The following CTNND2 variants were observed in gnomAD, a reference collection of about 807,000 sequenced individuals.
CTNND2 encodes the protein catenin delta-2.
Under a neutral mutation model 144.4 loss-of-function variants are expected in CTNND2, and 22 were observed. That is an observed-to-expected ratio of 0.15 (90% CI 0.11 to 0.22). The LOEUF (loss-of-function observed/expected upper bound fraction) is 0.22. Among genes scored for constraint, CTNND2 ranks in the 10% least tolerant of loss-of-function variants. The pLI is 1.00. For missense variants in CTNND2, 1,353 were observed against 1,618.8 expected (o/e 0.84, Z 2.82); for synonymous variants, 751 against 695.6 (o/e 1.08, Z -1.25).
chr5:11,265,004 A>C (rs918929269), intron 9 of CTNND2, among the ~76,000 whole-genome samples: 6 of 152,310 alleles, frequency 3.9e-5, no homozygotes, highest in Admixed American at 2.0e-4. Flanking sequence ...TAGATCAACA[A>C]GTTCAAAGCA....
chr5:11,214,540 T>C (rs763696206), intron 10 of CTNND2, among the ~76,000 whole-genome samples: 6 of 152,206 alleles, frequency 3.9e-5, no homozygotes, highest in Non-Finnish European at 8.8e-5. Context: ...CTTTTATTTC[T>C]ACATTCTGCA....
intron 9 of CTNND2, among the ~76,000 whole-genome samples, chr5:11,324,035 C>G (rs1210111545): frequency 6.6e-6 from 1 of 152,104 alleles, no homozygotes; most frequent in Non-Finnish European, 1.5e-5. Context: ...ACACTCAATC[C>G]AGAAAAGGCA....
intron 9 of CTNND2, among the ~76,000 whole-genome samples, chr5:11,303,472 G>A (rs996791914): frequency 9.9e-5 from 15 of 152,186 alleles, no homozygotes; most frequent in African/African-American, 3.1e-4. Flanking sequence ...AAACATAGAT[G>A]ATACTATTAC....
intron 16 of CTNND2, among the ~76,000 whole-genome samples, chr5:11,039,156 A>T (rs972521170): frequency 2.6e-5 from 4 of 152,174 alleles, no homozygotes; most frequent in African/African-American, 9.7e-5. Context: ...TGAATCTTTG[A>T]CCCATTTCCT....
chr5:11,653,753 T>C (rs989499287), intron 2 of CTNND2, among the ~76,000 whole-genome samples: 1 of 151,856 alleles, frequency 6.6e-6, no homozygotes, highest in Admixed American at 6.6e-5. Context: ...TAGGCTTGTT[T>C]GGTTTTTTTT....
At chr5:11,732,619 T>G (rs1481705171) in intron 1 of CTNND2, among the ~76,000 whole-genome samples, 2 of 152,188 alleles carry the variant, frequency 1.3e-5, no homozygotes, top group Non-Finnish European at 2.9e-5. Flanking sequence ...CTAGTCCAAC[T>G]ATAAATTTAT....
At chr5:10,983,166 C>T (rs1282215484) in intron 20 of CTNND2, among the ~76,000 whole-genome samples, 1 of 152,054 alleles carries the variant, frequency 6.6e-6, no homozygotes, top group Non-Finnish European at 1.5e-5. Context: ...TGGGATGTTC[C>T]TAACATAAAT....
intron 3 of CTNND2, among the ~76,000 whole-genome samples, chr5:11,502,742 A>G (rs183226727): frequency 6.6e-6 from 1 of 152,106 alleles, no homozygotes; most frequent in South Asian, 2.1e-4. Context: ...TTCCACCCTC[A>G]CCAACTCCTG....
chr5:11,189,096 G>A (rs1580535209), intron 11 of CTNND2, among the ~76,000 whole-genome samples: 1 of 152,120 alleles, frequency 6.6e-6, no homozygotes, highest in South Asian at 2.1e-4. Flanking sequence ...AATAGATTAT[G>A]AAATTTCACT....
chr5:11,380,103 A>G (rs1758331272), intron 7 of CTNND2, among the ~76,000 whole-genome samples: 1 of 152,154 alleles, frequency 6.6e-6, no homozygotes, highest in Admixed American at 6.5e-5. Flanking sequence ...ACCCCACTGT[A>G]AGATGCTCCG....
intron 1 of CTNND2, among the ~76,000 whole-genome samples, chr5:11,740,580 A>C (rs942097092): frequency 6.6e-6 from 1 of 152,250 alleles, no homozygotes; most frequent in African/African-American, 2.4e-5. Context: ...CTAAAACCAT[A>C]AAAACCCTAG....
intron 3 of CTNND2, among the ~76,000 whole-genome samples, chr5:11,476,773 AT>A (rs1418378060): frequency 3.3e-5 from 5 of 152,222 alleles, no homozygotes; most frequent in African/African-American, 9.6e-5. Context: ...AGTGCAAAGT[AT>A]TTTAACACTC....
rs556706324 is a variant in CTNND2, at chr5:11,026,403, G to A, written c.2789-3424C>T. On this transcript the variant is annotated intron_variant, in intron 16 of 21. Transcript: ENST00000304623. ...AAGACAGTCTCACTCTGTTGTCCAG[G>A]CTGGAGTGCAGTGGTATGATCTCAT... 7.9e-5 allele frequency among the ~76,000 whole-genome samples: 11 copies of A among 139,076 alleles called. No homozygotes were observed. In the South Asian group the frequency reaches 2.2e-3, roughly 28 times the overall value. The allele number at this position is 139,076 out of a possible 152,430, so 91.2% of individuals were successfully genotyped here. A position where few individuals can be genotyped will look rare whatever the true frequency, so the allele number is the denominator to read the frequency against.
intron 16 of CTNND2, among the ~76,000 whole-genome samples, chr5:11,049,745 G>A (rs961827274): frequency 8.5e-5 from 13 of 152,130 alleles, no homozygotes; most frequent in Admixed American, 6.5e-4. Context: ...ATAAATAACT[G>A]GGTTTCATAC....
At chr5:11,025,328 A>T (rs1742712292) in intron 16 of CTNND2, among the ~76,000 whole-genome samples, 1 of 152,048 alleles carries the variant, frequency 6.6e-6, no homozygotes, top group African/African-American at 2.4e-5. Context: ...TTACAGTGAA[A>T]TTTAAATCCT....
At chr5:11,022,641 C>T (rs992616018) in intron 17 of CTNND2, 128 bp downstream of exon 17, 3 of 730,064 alleles carry the variant, frequency 4.1e-6, no homozygotes, top group African/African-American at 3.5e-5. Context: ...TGCCATTTTC[C>T]TTCTCTTGAT....
intron 9 of CTNND2, among the ~76,000 whole-genome samples, chr5:11,342,638 T>G (rs1180389457): frequency 6.6e-6 from 1 of 152,222 alleles, no homozygotes; most frequent in African/African-American, 2.4e-5. Flanking sequence ...AATTTACACA[T>G]TATGTCAGTA....
chr5:11,033,852 A>G (rs1743769684), intron 16 of CTNND2, among the ~76,000 whole-genome samples: 1 of 152,116 alleles, frequency 6.6e-6, no homozygotes, highest in Admixed American at 6.6e-5. Context: ...CAACAACAAC[A>G]ACATCTTTCA....
rs1386565077 is a variant in CTNND2, at chr5:11,382,595, CTGTGTGTGTGTGT to C, written c.1177+2057_1177+2069del. Reference sequence around the variant, plus strand: ...CCTGGGCAACCGACAGAGTGAGACTCTGTGTGTGTGTGTGTGTGTGTGTGTGTGTGTGTGTGTG... The same window carrying C: ...CCTGGGCAACCGACAGAGTGAGACTCGTGTGTGTGTGTGTGTGTGTGTGTG... On this transcript the variant is annotated intron_variant, in intron 7 of 21. Coordinates refer to ENST00000304623, the MANE Select transcript of CTNND2 (RefSeq NM_001332.4). Among the ~76,000 whole-genome samples, 5 of 130,234 alleles carry C rather than the reference CTGTGTGTGTGTGT, an allele frequency of 3.8e-5. No homozygotes were observed. In the East Asian group the frequency reaches 1.1e-3, roughly 28 times the overall value. The allele number at this position is 130,234 out of a possible 152,430, so 85.4% of individuals were successfully genotyped here.
Sources: allele counts gnomAD v4.1 joint callset (sites outside exome capture counted in the v4.1 genomes callset), GRCh38; gene constraint gnomAD v4.1.1; transcripts MANE v1.5; gene names NCBI Gene and HGNC (gene_info 2026-07-23, HGNC 2026-07-21).